SLC4A10: variants seen among roughly 807,000 people sequenced by gnomAD.
SLC4A10 encodes sodium-driven chloride bicarbonate exchanger.
A neutral mutation model predicts 137.7 loss-of-function variants in SLC4A10; 42 were observed. The ratio of observed to expected loss-of-function variants is 0.30; its 90% CI spans 0.24 to 0.39. SLC4A10 has a LOEUF of 0.39. SLC4A10 is among the 10% of genes least tolerant of loss of function. The pLI is 1.00. For missense variants in SLC4A10, 925 were observed against 1,355.0 expected (o/e 0.68, Z 4.98); for synonymous variants, 474 against 464.1 (o/e 1.02, Z -0.27).
At chr2:161,974,433 G>C (rs1699061700) in intron 24 of SLC4A10, 117 bp downstream of exon 24, 3 of 800,332 alleles carry the variant, frequency 3.7e-6, no homozygotes, top group Non-Finnish European at 5.5e-6. Context: ...TATAAGAGTA[G>C]AAAGAACGAA....
intron 23 of SLC4A10, among the ~76,000 whole-genome samples, chr2:161,971,343 G>A (rs1176689465): frequency 2.6e-5 from 4 of 151,806 alleles, no homozygotes; most frequent in African/African-American, 9.7e-5. Flanking sequence ...TTAATTAAAA[G>A]GTGGCATTTA....
At chr2:161,742,191 G>GTA (rs1384707283) in intron 1 of SLC4A10, among the ~76,000 whole-genome samples, 2 of 152,092 alleles carry the variant, frequency 1.3e-5, no homozygotes, top group African/African-American at 4.8e-5. Flanking sequence ...TCTCCATTGT[G>GTA]TATATATACC....
chr2:161,826,775 T>C (rs1339912244), intron 3 of SLC4A10, among the ~76,000 whole-genome samples: 1 of 152,208 alleles, frequency 6.6e-6, no homozygotes, highest in East Asian at 1.9e-4. Context: ...ATATTCCAAA[T>C]GGAAATACCT....
chr2:161,633,218 T>C (rs529501567), intron 1 of SLC4A10, among the ~76,000 whole-genome samples: 2 of 151,712 alleles, frequency 1.3e-5, no homozygotes, highest in Non-Finnish European at 3.0e-5. Flanking sequence ...CATAACTCCA[T>C]TGTAGGTTGA....
intron 15 of SLC4A10, among the ~76,000 whole-genome samples, chr2:161,924,906 TG>T (rs1688790527): frequency 6.6e-6 from 1 of 152,106 alleles, no homozygotes; most frequent in Non-Finnish European, 1.5e-5. Flanking sequence ...CAGGTTTCGA[TG>T]GGGTTATAGG....
intron 16 of SLC4A10, 73 bp downstream of exon 16, chr2:161,942,970 C>T: frequency 8.0e-7 from 1 of 1,242,468 alleles, no homozygotes; most frequent in Non-Finnish European, 1.1e-6. Context: ...ATTGCCATTA[C>T]AGTAAAATTT....
chr2:161,734,052 C>T (rs770762633), intron 1 of SLC4A10, among the ~76,000 whole-genome samples: 6 of 152,164 alleles, frequency 3.9e-5, no homozygotes, highest in Non-Finnish European at 5.9e-5. Flanking sequence ...TTTTACGGCT[C>T]ATAAGCAGAA....
In SLC4A10 at chr2:161,732,769, G is replaced by T. The variant is rs1375497215; in HGVS notation, c.49-38204G>T. Among the ~76,000 whole-genome samples, 5 of 152,170 alleles carry T rather than the reference G, an allele frequency of 3.3e-5. 1 individual carries two copies. The highest frequency in any genetic ancestry group is 1.2e-4 in the African/African-American group (5 of 41,448). Reference sequence around the variant, plus strand: ...TCCTAGAGACTTGTTGAATGGTTTTGCCCAAAATGCTGATAGCAATATAGA... The same window carrying T: ...TCCTAGAGACTTGTTGAATGGTTTTTCCCAAAATGCTGATAGCAATATAGA... On this transcript the variant is annotated intron_variant, in intron 1 of 26. Coordinates refer to ENST00000446997, the MANE Select transcript of SLC4A10 (RefSeq NM_001178015.2).
At chr2:161,889,198 G>A (rs1293019977) in intron 10 of SLC4A10, among the ~76,000 whole-genome samples, 1 of 152,158 alleles carries the variant, frequency 6.6e-6, no homozygotes, top group Non-Finnish European at 1.5e-5. Flanking sequence ...GTATTTTGCT[G>A]AGGATTTTTG....
intron 1 of SLC4A10, among the ~76,000 whole-genome samples, chr2:161,709,303 G>GCTA (rs1411241593): frequency 3.3e-5 from 5 of 151,558 alleles, no homozygotes; most frequent in African/African-American, 1.2e-4. Context: ...AACTGATGCT[G>GCTA]CTACCATTGT....
intron 1 of SLC4A10, among the ~76,000 whole-genome samples, chr2:161,705,205 T>C (rs1033615289): frequency 1.3e-5 from 2 of 151,518 alleles, no homozygotes; most frequent in Admixed American, 1.3e-4. Flanking sequence ...TATACAAAAA[T>C]ATAATTTCAA....
intron 24 of SLC4A10, among the ~76,000 whole-genome samples, chr2:161,976,158 A>T (rs2105983172): frequency 6.6e-6 from 1 of 152,296 alleles, no homozygotes; most frequent in Admixed American, 6.5e-5. Flanking sequence ...TTTATTTTTC[A>T]CAGATTGTTT....
intron 15 of SLC4A10, among the ~76,000 whole-genome samples, chr2:161,930,083 G>A (rs148689205): frequency 1.3e-5 from 2 of 152,222 alleles, no homozygotes; most frequent in East Asian, 3.9e-4. Flanking sequence ...TTAGGACCAA[G>A]ATCTATAGTT....
At chr2:161,926,244 G>C (rs932072899) in intron 15 of SLC4A10, among the ~76,000 whole-genome samples, 3 of 150,036 alleles carry the variant, frequency 2.0e-5, no homozygotes, top group African/African-American at 7.3e-5. Flanking sequence ...TCCTGTATTA[G>C]ATACATATAT....
intron 6 of SLC4A10, among the ~76,000 whole-genome samples, chr2:161,869,497 T>A (rs1447829087): frequency 6.6e-6 from 1 of 151,688 alleles, no homozygotes; most frequent in Admixed American, 6.6e-5. Context: ...CTATAATTCA[T>A]GCTTGAATAT....
chr2:161,967,218 G>A (rs1308537020), intron 23 of SLC4A10, among the ~76,000 whole-genome samples: 1 of 152,146 alleles, frequency 6.6e-6, no homozygotes, highest in Non-Finnish European at 1.5e-5. Context: ...TGCCCATTAG[G>A]TTCATTGGCG....
At chr2:161,939,178 G>A (rs1324328268) in intron 15 of SLC4A10, among the ~76,000 whole-genome samples, 2 of 152,262 alleles carry the variant, frequency 1.3e-5, no homozygotes, top group East Asian at 3.9e-4. Flanking sequence ...CCAGGTTCAA[G>A]TGATTCTCCT....
intron 5 of SLC4A10, among the ~76,000 whole-genome samples, chr2:161,862,321 A>G (rs1196486900): frequency 6.6e-6 from 1 of 152,156 alleles, no homozygotes; most frequent in Admixed American, 6.5e-5. Context: ...CAGTAACTAT[A>G]TCACTTCATA....
intron 3 of SLC4A10, among the ~76,000 whole-genome samples, chr2:161,818,556 A>G (rs1024338352): frequency 1.3e-5 from 2 of 152,148 alleles, no homozygotes; most frequent in Non-Finnish European, 2.9e-5. Flanking sequence ...GTCTTGTGCC[A>G]GTTTTCAAAG....
Sources: allele counts gnomAD v4.1 joint callset (sites outside exome capture counted in the v4.1 genomes callset), GRCh38; gene constraint gnomAD v4.1.1; transcripts MANE v1.5; gene names NCBI Gene and HGNC (gene_info 2026-07-23, HGNC 2026-07-21).